A1CF: variants seen among roughly 807,000 people sequenced by gnomAD.
The protein encoded by A1CF is APOBEC1 complementation factor.
A1CF carries 48 observed loss-of-function variants against 68.9 expected under a neutral mutation model. That is an observed-to-expected ratio of 0.70 (90% CI 0.55 to 0.89). The LOEUF (loss-of-function observed/expected upper bound fraction) is 0.89, where lower values mean the gene tolerates loss of function less well. A1CF is among the 40% of genes least tolerant of loss of function. A1CF has a pLI of 0.00. For missense variants in A1CF, 653 were observed against 718.9 expected (o/e 0.91, Z 1.05); for synonymous variants, 272 against 260.4 (o/e 1.04, Z -0.43).
intron 1 of A1CF, among the ~76,000 whole-genome samples, chr10:50,882,261 C>A (rs965626947): frequency 6.6e-6 from 1 of 152,046 alleles, no homozygotes; most frequent in African/African-American, 2.4e-5. Flanking sequence ...CATAATGAAA[C>A]CCCGTCTCTA....
At chr10:50,808,553 C>A (rs1588959523) in intron 12 of A1CF, among the ~76,000 whole-genome samples, 1 of 152,202 alleles carries the variant, frequency 6.6e-6, no homozygotes, top group African/African-American at 2.4e-5. Context: ...ATGTAAACAC[C>A]CTGTTATGTG....
chr10:50,821,577 C>T (rs994397914), intron 7 of A1CF, among the ~76,000 whole-genome samples: 1 of 151,730 alleles, frequency 6.6e-6, no homozygotes, highest in East Asian at 1.9e-4. Flanking sequence ...CTCTTGTTGC[C>T]CAGGCTAGAG....
chr10:50,822,559 A>G (rs1446967688), intron 7 of A1CF: 1 of 152,124 alleles, frequency 6.6e-6, no homozygotes, highest in East Asian at 1.9e-4. Context: ...TAACATAAGG[A>G]CAATTTAAAG....
intron 12 of A1CF, among the ~76,000 whole-genome samples, chr10:50,808,901 A>T (rs1326884688): frequency 6.6e-6 from 1 of 152,136 alleles, no homozygotes; most frequent in Non-Finnish European, 1.5e-5. Flanking sequence ...AATCAATAAG[A>T]ATATCATGTT....
At chr10:50,819,943 C>A (rs12265989) in intron 8 of A1CF, among the ~76,000 whole-genome samples, 4,040 of 152,268 alleles carry the variant, frequency 0.027, 196 homozygotes, top group African/African-American at 0.091. Context: ...CTCCAACCAA[C>A]TTTTAACTCT....
intron 1 of A1CF, among the ~76,000 whole-genome samples, chr10:50,870,056 G>T (rs1841176273): frequency 1.3e-5 from 2 of 151,564 alleles, no homozygotes; most frequent in African/African-American, 4.8e-5. Context: ...CATATTTTGA[G>T]GGTACATGTG....
intron 1 of A1CF, among the ~76,000 whole-genome samples, chr10:50,877,030 G>A (rs966624124): frequency 6.6e-6 from 1 of 152,096 alleles, no homozygotes; most frequent in African/African-American, 2.4e-5. Context: ...ATTCAATTAT[G>A]ATACTCAACT....
At chr10:50,861,992 G>C (rs12768968) in intron 2 of A1CF, among the ~76,000 whole-genome samples, 29,031 of 150,798 alleles carry the variant, frequency 0.19, 3,013 homozygotes, top group Middle Eastern at 0.27. Context: ...ACTACTATTA[G>C]TAATAGCAAT....
At chr10:50,846,916 G>T (rs12255568) in intron 3 of A1CF, among the ~76,000 whole-genome samples, 3 of 152,104 alleles carry the variant, frequency 2.0e-5, no homozygotes, top group Non-Finnish European at 4.4e-5. Flanking sequence ...TGAGCCACCC[G>T]CTGGTCTTGG....
intron 10 of A1CF, among the ~76,000 whole-genome samples, chr10:50,811,677 G>A (rs927696879): frequency 6.6e-6 from 1 of 152,104 alleles, no homozygotes; most frequent in East Asian, 1.9e-4. Context: ...GGTATTTATC[G>A]AGTGTTCCTA....
intron 1 of A1CF, among the ~76,000 whole-genome samples, chr10:50,871,341 C>A (rs1056225566): frequency 1.8e-4 from 28 of 151,366 alleles, no homozygotes; most frequent in Non-Finnish European, 5.9e-5. Context: ...AAGTTTAAAA[C>A]CTATATAAAA....
intron 12 of A1CF, among the ~76,000 whole-genome samples, chr10:50,808,811 TGAGAA>T (rs1451529136): frequency 2.0e-5 from 3 of 152,080 alleles, no homozygotes; most frequent in Non-Finnish European, 2.9e-5. Flanking sequence ...AAAACACTAC[TGAGAA>T]GGAGCCCCAG....
chr10:50,809,795 AAGT>A, intron 12 of A1CF, 96 bp downstream of exon 12: 1 of 1,524,454 alleles, frequency 6.6e-7, no homozygotes, highest in Non-Finnish European at 8.9e-7. Context: ...AGATTGCTGT[AAGT>A]AGGGTACACA....
At chr10:50,882,234 G>A (rs563899444) in intron 1 of A1CF, among the ~76,000 whole-genome samples, 1 of 152,092 alleles carries the variant, frequency 6.6e-6, no homozygotes, top group South Asian at 2.1e-4. Flanking sequence ...TCAGGAGTTC[G>A]AGACCAGCCT....
At chr10:50,846,217 T>C (rs941609142) in intron 3 of A1CF, among the ~76,000 whole-genome samples, 1 of 152,188 alleles carries the variant, frequency 6.6e-6, no homozygotes, top group African/African-American at 2.4e-5. Flanking sequence ...AAAATTACCT[T>C]CAAGCTATGT....
intron 1 of A1CF, among the ~76,000 whole-genome samples, chr10:50,867,685 A>G (rs188622644): frequency 3.9e-5 from 6 of 152,358 alleles, no homozygotes; most frequent in Admixed American, 2.0e-4. Context: ...TTATACAAAC[A>G]AAAGAAATGG....
chr10:50,864,567 G>A (rs565131395), intron 1 of A1CF, among the ~76,000 whole-genome samples: 1 of 152,214 alleles, frequency 6.6e-6, no homozygotes, highest in East Asian at 1.9e-4. Context: ...GGAACACTTG[G>A]TTTAAATGTA....
rs1016256252 is a variant in A1CF at position 50,801,958 on chromosome 10, T to C, written c.*4771A>G. On this transcript the variant is annotated 3_prime_UTR_variant, in exon 13 of 13. Coordinates refer to ENST00000373997, the MANE Select transcript of A1CF (RefSeq NM_014576.4). ...ACAAATGAGCCTACATATACATTGC[T>C]ATCTATATTAAACCTATGCATTCTA... 3.3e-5 allele frequency: 5 copies of C among 152,224 alleles called. No homozygotes were observed. Among genetic ancestry groups the C allele is most frequent in the African/African-American group, 1.2e-4 (5 of 41,472 alleles). The allele number at this position is 152,224 out of a possible 1,614,324, so 9.4% of individuals were successfully genotyped here. A position where few individuals can be genotyped will look rare whatever the true frequency, so the allele number is the denominator to read the frequency against.
At chr10:50,870,300 C>G in intron 1 of A1CF, among the ~76,000 whole-genome samples, 1 of 151,248 alleles carries the variant, frequency 6.6e-6, no homozygotes, top group Non-Finnish European at 1.5e-5. Flanking sequence ...ATGAAATGGA[C>G]AAAAAGAAAT....
Sources: allele counts gnomAD v4.1 joint callset (sites outside exome capture counted in the v4.1 genomes callset), GRCh38; gene constraint gnomAD v4.1.1; transcripts MANE v1.5; gene names NCBI Gene and HGNC (gene_info 2026-07-23, HGNC 2026-07-21).